The following C16orf96 variants were observed in gnomAD, a reference collection of about 807,000 sequenced individuals.
The protein encoded by C16orf96 is chromosome 16 open reading frame 96.
Under a neutral mutation model 103.6 loss-of-function variants are expected in C16orf96, and 108 were observed. The ratio of observed to expected loss-of-function variants is 1.04; its 90% CI spans 0.89 to 1.22. The LOEUF is 1.22. Among genes scored for constraint, C16orf96 ranks in the 50% most tolerant of loss-of-function variants. C16orf96 has a pLI of 0.00. For missense variants in C16orf96, 1,586 were observed against 1,464.2 expected, an observed-to-expected ratio of 1.08 and a Z score of -1.36; for synonymous variants, 566 against 593.5, an observed-to-expected ratio of 0.95 and a Z score of 0.67.
chr16:4,596,024 C>T (rs1458961111), intron 14 of C16orf96, among the ~76,000 whole-genome samples: 2 of 152,182 alleles, frequency 1.3e-5, no homozygotes, highest in East Asian at 1.9e-4. Flanking sequence ...GCTGTGCCTC[C>T]ATTGACTCGA....
rs71139648 is a variant in C16orf96 at position 4,584,354 on chromosome 16, A to ATTTTTTTT, written c.2353-2681_2353-2674dup. ...AGGCGTGTGCCACCATGCCTGGCTA[A>ATTTTTTTT]TTTTTTTTTTTGAGATACAGTCTCG... On this transcript the variant is annotated intron_variant, in intron 7 of 15. Coordinates refer to ENST00000444310, the MANE Select transcript of C16orf96 (RefSeq NM_001145011.2). 1.1e-4 allele frequency among the ~76,000 whole-genome samples: 10 copies of ATTTTTTTT among 92,720 alleles called. 1 individual carries two copies. The highest frequency in any genetic ancestry group is 4.3e-4 in the African/African-American group (10 of 23,030). The allele number at this position is 92,720 out of a possible 152,430, so 60.8% of individuals were successfully genotyped here. A position where few individuals can be genotyped will look rare whatever the true frequency, so the allele number is the denominator to read the frequency against.
At position 4,556,909 on chromosome 16, in the gene C16orf96, G is replaced by C. The variant is rs1318948315; in HGVS notation, c.420G>C (p.Lys140Asn). ...MVEGHDEVMAKSMQTLQDLLT... is the reference protein window; with the variant it reads ...MVEGHDEVMANSMQTLQDLLT... ...AGGGTCATGATGAAGTCATGGCCAA[G>C]GTACGCCCCCAGCCTCCAGACACTT... The change falls in exon 1 of 16, where the codon AAG (lysine) becomes AAC (asparagine). Residue 140 changes from lysine (K) to asparagine (N), a missense_variant and splice_region_variant. Coordinates refer to ENST00000444310, the MANE Select transcript of C16orf96 (RefSeq NM_001145011.2). 1 of 1,537,598 alleles carries C rather than the reference G, an allele frequency of 6.5e-7. No individual in the cohort carries two copies. Among genetic ancestry groups the C allele is most frequent in the Admixed American group, 2.0e-5 (1 of 50,236 alleles).
At chr16:4,543,588 G>T in the C16orf96 span, among the ~76,000 whole-genome samples, 1 of 152,068 alleles carries the variant, frequency 6.6e-6, no homozygotes, top group Admixed American at 6.6e-5. Flanking sequence ...GCCACCCAAA[G>T]TGCTGCGATT....
upstream of C16orf96, among the ~76,000 whole-genome samples, chr16:4,555,467 G>A (rs751890360): frequency 3.3e-5 from 5 of 151,410 alleles, no homozygotes; most frequent in South Asian, 2.1e-4. Flanking sequence ...TCCACCTCCC[G>A]GATTTAAGCA....
chr16:4,548,520 G>C, the C16orf96 span, among the ~76,000 whole-genome samples: 2 of 152,202 alleles, frequency 1.3e-5, no homozygotes, highest in African/African-American at 4.8e-5. Flanking sequence ...AACACCTGCT[G>C]ACCTTCAGCA....
chr16:4,574,792 G>A lies in C16orf96; in HGVS notation c.606+3G>A, dbSNP rs987004143. ...TGGTTGCACTGCAGCGGGAAGTGGTGAGGGCCACCATCCCTGTCTTCCCCC... is the reference window on the plus strand; with the variant it reads ...TGGTTGCACTGCAGCGGGAAGTGGTAAGGGCCACCATCCCTGTCTTCCCCC... On this transcript the variant is annotated splice_donor_region_variant and intron_variant, in intron 3 of 15. Transcript: ENST00000444310. 18 of 1,551,278 alleles carry A rather than the reference G, an allele frequency of 1.2e-5. No individual in the cohort carries two copies. Among genetic ancestry groups the A allele is most frequent in the Non-Finnish European group, 1.5e-5 (17 of 1,146,944 alleles).
the C16orf96 span, among the ~76,000 whole-genome samples, chr16:4,547,689 C>CTTCCTTCCTTCCTTCTTTCT: frequency 1.8e-3 from 41 of 22,548 alleles, no homozygotes; most frequent in African/African-American, 4.2e-3. Context: ...TCCTTCCTTC[C>CTTCCTTCCTTCCTTCTTTCT]TTCTTTCTTT....
rs1388526840 is a variant in C16orf96 at position 4,575,049 on chromosome 16, G to A, written c.684G>A (p.Met228Ile). 1 of 1,551,342 alleles carries A rather than the reference G, an allele frequency of 6.4e-7. No homozygotes were observed. Among genetic ancestry groups the A allele is most frequent in the Non-Finnish European group, 8.7e-7 (1 of 1,146,994 alleles). ...TCTGGAGTGGCCTTCATGATGCCAT[G>A]TTCACCTCAGTGAGTGAGGAAGGAA... ...MVLWSGLHDA[M>I]FTSEIGSSPL... The change falls in exon 4 of 16, where the codon ATG becomes ATA. Residue 228 changes from methionine to isoleucine, a missense_variant. By Grantham distance (10) the Met-to-Ile change is conservative. Transcript: ENST00000444310.
chr16:4,567,366 C>G (rs1216370376), intron 1 of C16orf96, among the ~76,000 whole-genome samples: 1 of 140,652 alleles, frequency 7.1e-6, no homozygotes, highest in Non-Finnish European at 1.5e-5. Context: ...TCACTGCAAG[C>G]TCAGACTCCT....
At chr16:4,581,731 G>GA (rs2059591229) in intron 7 of C16orf96, among the ~76,000 whole-genome samples, 1 of 152,102 alleles carries the variant, frequency 6.6e-6, no homozygotes, top group African/African-American at 2.4e-5. Flanking sequence ...TGTAATGAGG[G>GA]AGGATTGCTT....
Position 4,575,714 on chromosome 16 carries a change from G to A in C16orf96, c.1234G>A (p.Val412Ile). ...CTCTTGGCCTCTGTGGGACTTAGGTGTCCTGCGGCCAACTCAGCCCCAACC... is the reference window on the plus strand; with the variant it reads ...CTCTTGGCCTCTGTGGGACTTAGGTATCCTGCGGCCAACTCAGCCCCAACC... ...VGSWPLWDLG[V>I]LRPTQPQPSR... Residue 412 changes from valine (V) to isoleucine (I), a missense_variant, in exon 5 of 16, where the codon GTC becomes ATC. Physicochemically the swap from Val to Ile is conservative, Grantham distance 29. Coordinates refer to ENST00000444310, the MANE Select transcript of C16orf96 (RefSeq NM_001145011.2). 2 of 1,533,686 alleles carry A rather than the reference G, an allele frequency of 1.3e-6. No individual in the cohort carries two copies. The highest frequency in any genetic ancestry group is 1.8e-6 in the Non-Finnish European group (2 of 1,138,872).
In C16orf96 at chr16:4,576,275, G is replaced by A; in HGVS notation, c.1795G>A (p.Ala599Thr). Residue 599 changes from alanine to threonine, a missense_variant, in exon 5 of 16, where the codon GCC (alanine) becomes ACC (threonine). Ala to Thr is a moderately conservative substitution (Grantham distance 58). Transcript: ENST00000444310. ...AGTTGCTGCCAAGTTTGTCAAGGAT[G>A]CCCCAGCCACCAAAATGGCCGCCAT... ...AKVAAKFVKD[A>T]PATKMAAIAT... The A allele has an allele frequency of 1.3e-6, 2 of 1,550,700 alleles. No individual in the cohort carries two copies. Among genetic ancestry groups the A allele is most frequent in the African/African-American group, 1.4e-5 (1 of 73,176 alleles).
chr16:4,556,371 G>A lies in C16orf96; in HGVS notation c.-119G>A, dbSNP rs141698608. On this transcript the variant is annotated 5_prime_UTR_variant, in exon 1 of 16. Transcript: ENST00000444310. ...GAGGCCATTCCTCCCTGACTGCTGT[G>A]ACTCACCACCACCCCAGGCCTCTGA... 24 of 1,035,982 alleles carry A rather than the reference G, an allele frequency of 2.3e-5. No homozygotes were observed. In the East Asian group the frequency reaches 6.1e-4, roughly 26 times the overall value. The allele number at this position is 1,035,982 out of a possible 1,614,324, so 64.2% of individuals were successfully genotyped here. A position where few individuals can be genotyped will look rare whatever the true frequency, so the allele number is the denominator to read the frequency against.
At chr16:4,541,672 G>T in the C16orf96 span, among the ~76,000 whole-genome samples, 464 of 152,222 alleles carry the variant, frequency 3.0e-3, 1 homozygote, top group Non-Finnish European at 5.3e-3. Flanking sequence ...GGTGATTCTG[G>T]TGTTTAAAAT....
At chr16:4,557,725 A>G (rs1373843700) in intron 1 of C16orf96, among the ~76,000 whole-genome samples, 3 of 152,146 alleles carry the variant, frequency 2.0e-5, no homozygotes, top group African/African-American at 7.2e-5. Flanking sequence ...GCTGGAGTGC[A>G]GTGACTCAGT....
the C16orf96 span, among the ~76,000 whole-genome samples, chr16:4,542,702 G>A: frequency 2.0e-5 from 3 of 152,240 alleles, no homozygotes; most frequent in Admixed American, 6.5e-5. Flanking sequence ...GGAGGCTGAG[G>A]CAGGAGAATA....
At chr16:4,557,911 C>T (rs2059283544) in intron 1 of C16orf96, among the ~76,000 whole-genome samples, 1 of 152,296 alleles carries the variant, frequency 6.6e-6, no homozygotes, top group Non-Finnish European at 1.5e-5. Context: ...CTCAAGTGAT[C>T]CTCCTGCTTT....
At chr16:4,546,345 A>T in the C16orf96 span, among the ~76,000 whole-genome samples, 1 of 151,012 alleles carries the variant, frequency 6.6e-6, no homozygotes, top group Non-Finnish European at 1.5e-5. Flanking sequence ...TTTTTAGTAG[A>T]GATGGGGTTT....
chr16:4,568,612 T>G (rs2059405435), intron 1 of C16orf96, among the ~76,000 whole-genome samples: 1 of 146,818 alleles, frequency 6.8e-6, no homozygotes, highest in African/African-American at 2.5e-5. Context: ...TCTTTTTTTC[T>G]TTTTCTTTTC....
Sources: allele counts gnomAD v4.1 joint callset (sites outside exome capture counted in the v4.1 genomes callset), GRCh38; gene constraint gnomAD v4.1.1; transcripts MANE v1.5; gene names NCBI Gene and HGNC (gene_info 2026-07-23, HGNC 2026-07-21).